Variants in FBXO8 observed in about 807,000 individuals in gnomAD.
FBXO8 encodes the protein F-box protein 8.
FBXO8 carries 15 observed loss-of-function variants against 33.4 expected under a neutral mutation model. That is an observed-to-expected ratio of 0.45 (90% CI 0.30 to 0.69). FBXO8 has a LOEUF of 0.69. Among genes scored for constraint, FBXO8 ranks in the 30% least tolerant of loss-of-function variants. The pLI is 0.08. For missense variants in FBXO8, 274 were observed against 380.3 expected, an observed-to-expected ratio of 0.72 and a Z score of 2.32; for synonymous variants, 132 against 131.5, an observed-to-expected ratio of 1.00 and a Z score of -0.02.
rs1560867655 is a variant in FBXO8, at chr4:174,249,001, G to C, written c.457-7783C>G. On this transcript the variant is annotated intron_variant, in intron 3 of 5. Coordinates refer to ENST00000393674, the MANE Select transcript of FBXO8 (RefSeq NM_012180.3). ...GTCTTCCTGCTTATTTTTCAAGAGA[G>C]AAAAAGCAATGGCAAACAAAATAAC... 2.6e-5 allele frequency among the ~76,000 whole-genome samples: 4 copies of C among 151,974 alleles called. No homozygotes were observed. In the South Asian group the frequency reaches 8.3e-4, roughly 32 times the overall value.
In FBXO8 at chr4:174,259,277, A is replaced by G. The variant is rs1736488394; in HGVS notation, c.456+422T>C. ...AAGACAACGTTTTGATTTGTCAGAA[A>G]ATAGAACAATGTCCTCAATGATTAT... On this transcript the variant is annotated intron_variant, in intron 3 of 5. Coordinates refer to ENST00000393674, the MANE Select transcript of FBXO8 (RefSeq NM_012180.3). This position sits in a 1 kb window ranked among gnomAD's most constrained non-coding sequence, Gnocchi z 4.3. Among the ~76,000 whole-genome samples, 1 of 152,112 alleles carries G rather than the reference A, an allele frequency of 6.6e-6. No homozygotes were observed.
chr4:174,262,421 ATG>A lies in FBXO8; in HGVS notation c.329+341_329+342del, dbSNP rs758241064. 1.2e-4 allele frequency among the ~76,000 whole-genome samples: 18 copies of A among 152,230 alleles called. No homozygotes were observed. The highest frequency in any genetic ancestry group is 2.4e-4 in the Non-Finnish European group (16 of 68,042). On this transcript the variant is annotated intron_variant, in intron 2 of 5. Transcript: ENST00000393674. This position sits in a 1 kb window ranked among gnomAD's most constrained non-coding sequence, Gnocchi z 4.6. The stretch of plus-strand genomic sequence containing the variant: ...CTATGGGAAGCACAAACTACACAGC[ATG>A]TGAACACTCCAACTTTTAAATTAGA...
In FBXO8 at chr4:174,256,554, C is replaced by G. The variant is rs1736419355; in HGVS notation, c.456+3145G>C. ...ACTTACATGATTTCAATTTTGAATA[C>G]TTGACTTGGTAAACAATTAGCCAAG... is the stretch of plus-strand genomic sequence containing the variant. On this transcript the variant is annotated intron_variant, in intron 3 of 5. Transcript: ENST00000393674. The surrounding 1 kb of genome is among the most constrained non-coding windows in gnomAD (Gnocchi z 4.6). 6.6e-6 allele frequency among the ~76,000 whole-genome samples: 1 copy of G among 152,112 alleles called. No individual in the cohort carries two copies.
chr4:174,267,186 C>T lies in FBXO8; in HGVS notation c.-8-4086G>A, dbSNP rs1736713956. Among the ~76,000 whole-genome samples the T allele has an allele frequency of 2.6e-5, 4 of 152,174 alleles. No homozygotes were observed. The highest frequency in any genetic ancestry group is 1.3e-4 in the Admixed American group (2 of 15,268). ...TTGTCTTTCACAGAAAATTTTAAAA[C>T]TCAGCATGCCTGAGGATGGTGCCAA... On this transcript the variant is annotated intron_variant, in intron 1 of 5. Transcript: ENST00000393674. This position sits in a 1 kb window ranked among gnomAD's most constrained non-coding sequence, Gnocchi z 4.7.
Sources: allele counts gnomAD v4.1 joint callset (sites outside exome capture counted in the v4.1 genomes callset), GRCh38; gene constraint gnomAD v4.1.1; non-coding constraint Gnocchi (gnomAD v3.1); transcripts MANE v1.5; gene names NCBI Gene and HGNC (gene_info 2026-07-23, HGNC 2026-07-21).